The following CRPPA variants were observed in gnomAD, a reference collection of about 807,000 sequenced individuals.
CRPPA encodes the protein CDP-L-ribitol pyrophosphorylase A.
Under a neutral mutation model 52.0 loss-of-function variants are expected in CRPPA, and 43 were observed. The ratio of observed to expected loss-of-function variants is 0.83; its 90% CI spans 0.65 to 1.07. The LOEUF (loss-of-function observed/expected upper bound fraction) is 1.07, where lower values mean the gene tolerates loss of function less well. Among genes scored for constraint, CRPPA ranks in the 50% least tolerant of loss-of-function variants. CRPPA has a pLI of 0.00. For missense variants in CRPPA, 629 were observed against 551.7 expected (o/e 1.14, Z -1.40); for synonymous variants, 250 against 203.5 (o/e 1.23, Z -1.94).
intron 9 of CRPPA, among the ~76,000 whole-genome samples, chr7:16,137,912 T>C (rs1456126004): frequency 6.6e-6 from 1 of 152,198 alleles, no homozygotes; most frequent in Non-Finnish European, 1.5e-5. Context: ...TATAATTTTA[T>C]ACAAAATATG....
chr7:16,283,208 T>C (rs111580702), intron 5 of CRPPA, among the ~76,000 whole-genome samples: 11,372 of 151,036 alleles, frequency 0.075, 665 homozygotes, highest in African/African-American at 0.16. Context: ...ATACAACATT[T>C]ATATTTTATA....
intron 9 of CRPPA, among the ~76,000 whole-genome samples, chr7:16,189,653 G>A (rs924125102): frequency 1.3e-5 from 2 of 152,150 alleles, no homozygotes; most frequent in African/African-American, 4.8e-5. Flanking sequence ...TATTCTGCCT[G>A]ACAGCAACAT....
intron 6 of CRPPA, among the ~76,000 whole-genome samples, chr7:16,260,568 C>T (rs1783768412): frequency 6.6e-6 from 1 of 152,008 alleles, no homozygotes; most frequent in South Asian, 2.1e-4. Flanking sequence ...GATCTTCCAC[C>T]AATATCTATG....
chr7:16,268,903 T>C (rs1278126468), intron 6 of CRPPA: 1 of 152,240 alleles, frequency 6.6e-6, no homozygotes, highest in African/African-American at 2.4e-5. Context: ...CTCCAGCTCA[T>C]CTAATCTCTG....
chr7:16,388,639 C>T (rs1473059404), intron 2 of CRPPA, among the ~76,000 whole-genome samples: 2 of 152,144 alleles, frequency 1.3e-5, no homozygotes, highest in East Asian at 3.9e-4. Context: ...CTTTGGGAGG[C>T]CAAGGCAGGT....
chr7:16,214,321 T>C (rs1357317475), intron 9 of CRPPA, among the ~76,000 whole-genome samples: 1 of 152,312 alleles, frequency 6.6e-6, no homozygotes, highest in African/African-American at 2.4e-5. Flanking sequence ...CCTTTTGCCC[T>C]AGCCAAATGA....
intron 1 of CRPPA, among the ~76,000 whole-genome samples, chr7:16,416,873 T>C (rs1394408829): frequency 6.6e-6 from 1 of 151,962 alleles, no homozygotes; most frequent in Non-Finnish European, 1.5e-5. Context: ...GCACAGCAAT[T>C]GAAACTATCA....
At chr7:16,217,120 T>TCTCCTCCTCA (rs1782348257) in intron 8 of CRPPA, among the ~76,000 whole-genome samples, 1 of 149,062 alleles carries the variant, frequency 6.7e-6, no homozygotes, top group Admixed American at 6.7e-5. Flanking sequence ...CCTCCTCAAG[T>TCTCCTCCTCA]GGGTCCCTGA....
chr7:16,254,326 C>G (rs1242565935), intron 8 of CRPPA, among the ~76,000 whole-genome samples: 2 of 151,976 alleles, frequency 1.3e-5, no homozygotes, highest in East Asian at 3.9e-4. Flanking sequence ...TAGCAAAGAC[C>G]TGGAACCAAC....
intron 2 of CRPPA, among the ~76,000 whole-genome samples, chr7:16,401,401 T>C (rs1167788372): frequency 6.6e-6 from 1 of 152,214 alleles, no homozygotes; most frequent in Non-Finnish European, 1.5e-5. Context: ...GCCAGACTGC[T>C]ATGATTTATA....
intron 8 of CRPPA, among the ~76,000 whole-genome samples, chr7:16,239,708 G>C (rs1035638925): frequency 6.6e-5 from 10 of 151,828 alleles, no homozygotes; most frequent in African/African-American, 2.4e-4. Flanking sequence ...CATTTATTTT[G>C]CCTCCTGTGC....
At chr7:16,170,505 A>C (rs1781158053) in intron 9 of CRPPA, among the ~76,000 whole-genome samples, 1 of 152,228 alleles carries the variant, frequency 6.6e-6, no homozygotes, top group South Asian at 2.1e-4. Flanking sequence ...ATTACAGCTC[A>C]TAAAACGCAG....
chr7:16,269,108 C>G (rs1480616991), intron 6 of CRPPA: 1 of 152,220 alleles, frequency 6.6e-6, no homozygotes, highest in Non-Finnish European at 1.5e-5. Flanking sequence ...TAGAGAGGTA[C>G]TCCAGAAGCT....
intron 2 of CRPPA, among the ~76,000 whole-genome samples, chr7:16,381,876 T>C (rs1179129539): frequency 1.3e-5 from 2 of 152,142 alleles, no homozygotes; most frequent in Non-Finnish European, 2.9e-5. Context: ...ATTTTGAGCC[T>C]ATGTGTGTCT....
intron 9 of CRPPA, among the ~76,000 whole-genome samples, chr7:16,208,578 C>G (rs1782028402): frequency 6.6e-6 from 1 of 152,162 alleles, no homozygotes; most frequent in Admixed American, 6.5e-5. Context: ...GGTGAGAGAG[C>G]ATGGCAGGCG....
At chr7:16,278,670 C>T (rs1264195387) in intron 5 of CRPPA, among the ~76,000 whole-genome samples, 3 of 152,200 alleles carry the variant, frequency 2.0e-5, no homozygotes, top group South Asian at 2.1e-4. Flanking sequence ...TGGTTAAGTA[C>T]ATTGTGTTCC....
chr7:16,204,367 A>T (rs544205950), intron 9 of CRPPA, among the ~76,000 whole-genome samples: 1 of 152,210 alleles, frequency 6.6e-6, no homozygotes, highest in East Asian at 1.9e-4. Context: ...AAGTGAAACA[A>T]CTCAAACAGA....
intron 9 of CRPPA, among the ~76,000 whole-genome samples, chr7:16,092,988 T>C (rs1663990409): frequency 1.3e-5 from 2 of 152,170 alleles, no homozygotes; most frequent in South Asian, 2.1e-4. Flanking sequence ...TAATTACTCT[T>C]CATGGTTCAA....
chr7:16,342,794 T>TAGATAGATAGATAGATAGATAG lies in CRPPA; in HGVS notation c.684+33297_684+33298insCTATCTATCTATCTATCTATCT, dbSNP rs1350825073. Among the ~76,000 whole-genome samples, 2 of 62,778 alleles carry TAGATAGATAGATAGATAGATAG rather than the reference T, an allele frequency of 3.2e-5. 1 individual carries two copies. Among genetic ancestry groups the TAGATAGATAGATAGATAGATAG allele is most frequent in the African/African-American group, 1.3e-4 (2 of 15,326 alleles). The allele number at this position is 62,778 out of a possible 152,430, so 41.2% of individuals were successfully genotyped here. Reference sequence around the variant, plus strand: ...AAAAAAAAAAAAAAATATATATATATATATCTATATAGATATATAGATATA... The same window carrying TAGATAGATAGATAGATAGATAG: ...AAAAAAAAAAAAAAATATATATATATAGATAGATAGATAGATAGATAGATATCTATATAGATATATAGATATA... On this transcript the variant is annotated intron_variant, in intron 3 of 9. Transcript: ENST00000407010.
Sources: allele counts gnomAD v4.1 joint callset (sites outside exome capture counted in the v4.1 genomes callset), GRCh38; gene constraint gnomAD v4.1.1; transcripts MANE v1.5; gene names NCBI Gene and HGNC (gene_info 2026-07-23, HGNC 2026-07-21).